Variants in SHC4 observed in about 807,000 individuals in gnomAD.
SHC4 encodes SHC-transforming protein 4.
SHC4 carries 41 observed loss-of-function variants against 69.4 expected under a neutral mutation model. That is an observed-to-expected ratio of 0.59 (90% CI 0.46 to 0.77). SHC4 has a LOEUF of 0.77. SHC4 is among the 30% of genes least tolerant of loss of function. The pLI, the probability that SHC4 is intolerant of heterozygous loss-of-function variation, is 0.00. For synonymous variants in SHC4, 318 were observed against 299.3 expected (o/e 1.06, Z -0.64); for missense variants, 777 against 783.8 (o/e 0.99, Z 0.10).
At position 48,841,596 on chromosome 15, in the gene SHC4, G is replaced by C. The variant is rs531585979; in HGVS notation, c.1483+1813C>G. Reference sequence around the variant, plus strand: ...GGGGCTATATACGCTCAGCCATTTGGGCCCAATGTAGGACAACTCCGACAG... The same window carrying C: ...GGGGCTATATACGCTCAGCCATTTGCGCCCAATGTAGGACAACTCCGACAG... On this transcript the variant is annotated intron_variant, in intron 10 of 11. Coordinates refer to ENST00000332408, the MANE Select transcript of SHC4 (RefSeq NM_203349.4). Among the ~76,000 whole-genome samples the C allele has an allele frequency of 1.7e-3, 255 of 152,300 alleles. 1 individual carries two copies. Among genetic ancestry groups the C allele is most frequent in the African/African-American group, 5.6e-3 (234 of 41,578 alleles).
At chr15:48,872,215 G>C in intron 4 of SHC4, 73 bp from the exon 5 acceptor site, 1 of 912,634 alleles carries the variant, frequency 1.1e-6, no homozygotes, top group Non-Finnish European at 1.6e-6. Context: ...AACAGTAATA[G>C]ACATACATTT....
chr15:48,903,791 T>G (rs1900357672), intron 2 of SHC4, among the ~76,000 whole-genome samples: 1 of 152,158 alleles, frequency 6.6e-6, no homozygotes, highest in Non-Finnish European at 1.5e-5. Flanking sequence ...CTCACTATGT[T>G]GCCCAGGCTG....
intron 10 of SHC4, among the ~76,000 whole-genome samples, chr15:48,837,459 G>A (rs569329898): frequency 1.3e-3 from 194 of 152,154 alleles, no homozygotes; most frequent in African/African-American, 4.4e-3. Context: ...AAATAAAACC[G>A]CTCTTAACAC....
At chr15:48,917,030 A>T (rs1170954671) in intron 2 of SHC4, among the ~76,000 whole-genome samples, 1 of 152,188 alleles carries the variant, frequency 6.6e-6, no homozygotes, top group Non-Finnish European at 1.5e-5. Flanking sequence ...TCTGTTCTTC[A>T]GGGTTGAAAG....
intron 2 of SHC4, among the ~76,000 whole-genome samples, chr15:48,916,625 C>T (rs17383845): frequency 0.079 from 11,912 of 151,260 alleles, 516 homozygotes; most frequent in Middle Eastern, 0.18. Context: ...AGATACACCA[C>T]GAGGCACAGG....
At chr15:48,890,617 T>G (rs1900119716) in intron 3 of SHC4, 131 bp downstream of exon 3, 2 of 995,892 alleles carry the variant, frequency 2.0e-6, no homozygotes, top group Non-Finnish European at 1.6e-6. Flanking sequence ...TGAGTGCAGC[T>G]CTGATATCAC....
rs1050175048 is a variant in SHC4, at chr15:48,823,845, C to T, written c.*2126G>A. 6.6e-6 allele frequency: 1 copy of T among 152,186 alleles called. No individual in the cohort carries two copies. Among genetic ancestry groups the T allele is most frequent in the Non-Finnish European group, 1.5e-5 (1 of 68,028 alleles). The allele number at this position is 152,186 out of a possible 1,614,324, so 9.4% of individuals were successfully genotyped here. The stretch of plus-strand genomic sequence containing the variant: ...GATAAAGAATGTGAGATTAAAATAG[C>T]ATGCAGACATTCCTTTTATTGTTTC... On this transcript the variant is annotated 3_prime_UTR_variant, in exon 12 of 12. Coordinates refer to ENST00000332408, the MANE Select transcript of SHC4 (RefSeq NM_203349.4).
chr15:48,902,869 A>T (rs548646721), intron 2 of SHC4, among the ~76,000 whole-genome samples: 1 of 152,100 alleles, frequency 6.6e-6, no homozygotes, highest in East Asian at 1.9e-4. Context: ...AACCTTTTGC[A>T]TTCAACTCTC....
intron 2 of SHC4, among the ~76,000 whole-genome samples, chr15:48,919,315 T>TTTTTTTTTTTTTTTTTTTTTA (rs66789098): frequency 7.6e-6 from 1 of 131,698 alleles, no homozygotes; most frequent in Non-Finnish European, 1.6e-5. Flanking sequence ...TTTTTTTTTT[T>TTTTTTTTTTTTTTTTTTTTTA]GTAGAGATGG....
At chr15:48,934,793 T>C (rs1253349701) in intron 1 of SHC4, among the ~76,000 whole-genome samples, 2 of 152,188 alleles carry the variant, frequency 1.3e-5, no homozygotes, top group African/African-American at 4.8e-5. Flanking sequence ...TGATACATGC[T>C]GCAGCATGAA....
intron 1 of SHC4, among the ~76,000 whole-genome samples, chr15:48,933,540 C>T (rs541993719): frequency 6.6e-5 from 10 of 152,242 alleles, no homozygotes; most frequent in Admixed American, 5.9e-4. Context: ...CTATCAAAAT[C>T]TCAGATGGCT....
chr15:48,844,842 T>C (rs1377238044), intron 9 of SHC4, among the ~76,000 whole-genome samples: 1 of 152,068 alleles, frequency 6.6e-6, no homozygotes, highest in African/African-American at 2.4e-5. Context: ...TGCCTTTGCT[T>C]CTCCTTTGCC....
chr15:48,910,016 C>A lies in SHC4; in HGVS notation c.656+14863G>T, dbSNP rs182486814. ...ATCAAGGATATTGGTCTGTAGTTTT[C>A]TTTTTTGGTTATGTCCTTTTCTGGT... On this transcript the variant is annotated intron_variant, in intron 2 of 11. Coordinates refer to ENST00000332408, the MANE Select transcript of SHC4 (RefSeq NM_203349.4). 1.4e-3 allele frequency among the ~76,000 whole-genome samples: 208 copies of A among 152,110 alleles called. 1 individual carries two copies. Among genetic ancestry groups the A allele is most frequent in the Middle Eastern group, 0.014 (4 of 294 alleles).
intron 4 of SHC4, among the ~76,000 whole-genome samples, chr15:48,872,510 G>A (rs948629729): frequency 1.3e-5 from 2 of 152,186 alleles, no homozygotes; most frequent in African/African-American, 4.8e-5. Flanking sequence ...GCTTCTAGGG[G>A]CCATATTATG....
At chr15:48,896,643 TAA>T (rs1900227337) in intron 2 of SHC4, among the ~76,000 whole-genome samples, 1 of 152,094 alleles carries the variant, frequency 6.6e-6, no homozygotes, top group African/African-American at 2.4e-5. Flanking sequence ...CTATTCCATT[TAA>T]GAAGGTCCAC....
At position 48,878,455 on chromosome 15, in the gene SHC4, C is replaced by T. The variant is rs779336657; in HGVS notation, c.840+5793G>A. The T allele has an allele frequency of 1.9e-6, 3 of 1,613,250 alleles. No individual in the cohort carries two copies. In the South Asian group the frequency reaches 3.3e-5, roughly 18 times the overall value. ...CAGGCCAGGTGGCGGGCGCAGACTT[C>T]GAGAGCGAGGACGAGGGCGAGGAAT... On this transcript the variant is annotated intron_variant, in intron 4 of 11. Transcript: ENST00000332408.
At chr15:48,869,333 T>C (rs1198310146) in intron 5 of SHC4, among the ~76,000 whole-genome samples, 1 of 152,180 alleles carries the variant, frequency 6.6e-6, no homozygotes, top group Non-Finnish European at 1.5e-5. Context: ...ATGAGAAGGC[T>C]ATTCATTATT....
chr15:48,902,711 C>CCTCAATATGGG (rs1900339257), intron 2 of SHC4, among the ~76,000 whole-genome samples: 1 of 152,102 alleles, frequency 6.6e-6, no homozygotes, highest in Non-Finnish European at 1.5e-5. Context: ...GGTCCCCGTA[C>CCTCAATATGGG]CTCAATATGG....
chr15:48,831,269 T>A (rs1898795393), intron 11 of SHC4, among the ~76,000 whole-genome samples: 1 of 151,474 alleles, frequency 6.6e-6, no homozygotes, highest in Admixed American at 6.6e-5. Context: ...TTAAAAAAAA[T>A]AAACTTAGTG....
Sources: allele counts gnomAD v4.1 joint callset (sites outside exome capture counted in the v4.1 genomes callset), GRCh38; gene constraint gnomAD v4.1.1; transcripts MANE v1.5; gene names NCBI Gene and HGNC (gene_info 2026-07-23, HGNC 2026-07-21).